The following MLLT6 variants were observed in gnomAD, a reference collection of about 807,000 sequenced individuals.
MLLT6 encodes protein AF-17.
A neutral mutation model predicts 103.0 loss-of-function variants in MLLT6; 22 were observed. The observed-to-expected ratio is 0.21, with a 90% CI of 0.15 to 0.31. The LOEUF is 0.31. MLLT6 is among the 10% of genes least tolerant of loss of function. MLLT6 has a pLI of 1.00. For missense variants in MLLT6, 1,199 were observed against 1,441.7 expected (o/e 0.83, Z 2.73); for synonymous variants, 606 against 623.5 (o/e 0.97, Z 0.42).
In MLLT6 at chr17:38,726,016, C is replaced by A. The variant is rs1906011381; in HGVS notation, c.*418C>A. 3.9e-6 allele frequency: 1 copy of A among 255,122 alleles called. No homozygotes were observed. Among genetic ancestry groups the A allele is most frequent in the Non-Finnish European group, 7.5e-6 (1 of 133,316 alleles). The allele number at this position is 255,122 out of a possible 1,614,324, so 15.8% of individuals were successfully genotyped here. A position where few individuals can be genotyped will look rare whatever the true frequency, so the allele number is the denominator to read the frequency against. On this transcript the variant is annotated 3_prime_UTR_variant, in exon 20 of 20. Transcript: ENST00000621332. The stretch of plus-strand genomic sequence containing the variant: ...CCTGGGCCTGTCCCTGCGGGGAAAT[C>A]TTTTATGGAAGAAGGGCTGGACCCA...
At chr17:38,712,275 C>T (rs1905168208) in intron 7 of MLLT6, among the ~76,000 whole-genome samples, 1 of 152,168 alleles carries the variant, frequency 6.6e-6, no homozygotes, top group Admixed American at 6.5e-5. Flanking sequence ...AGACACATGG[C>T]TCTGCACGTT....
In MLLT6 at chr17:38,716,496, C is replaced by G. The variant is rs201269762; in HGVS notation, c.1166C>G (p.Pro389Arg). 10 of 1,614,084 alleles carry G rather than the reference C, an allele frequency of 6.2e-6. No homozygotes were observed. The highest frequency in any genetic ancestry group is 3.3e-5 in the Admixed American group (2 of 60,008). ...APPSPSAPEP[P>R]KADLFEQKVV... ...CCTTCTCCCTCAGCTCCCGAGCCCC[C>G]CAAGGCTGACCTTTTTGAGCAGAAG... Residue 389 changes from proline to arginine, a missense_variant, in exon 10 of 20, where the codon CCC becomes CGC. Around this residue, in one of 7 missense-constraint regions of MLLT6, gnomAD observed 1,034 missense variants for 1,091.5 expected, o/e 0.95. Transcript: ENST00000621332. This position sits in a 1 kb window ranked among gnomAD's most constrained non-coding sequence, Gnocchi z 5.6.
chr17:38,721,817 G>A, intron 16 of MLLT6, 61 bp from the exon 17 acceptor site: 1 of 1,196,448 alleles, frequency 8.4e-7, no homozygotes, highest in Non-Finnish European at 1.2e-6. Context: ...GTGGGTGCTG[G>A]GCCAGGGGCC....
chr17:38,706,741 C>A (rs1904942022), intron 1 of MLLT6: 2 of 424,820 alleles, frequency 4.7e-6, no homozygotes, highest in African/African-American at 2.0e-5. Context: ...AGACTTCCCG[C>A]CCTGTTTGAA....
intron 12 of MLLT6, chr17:38,718,483 C>G (rs1162737542): frequency 6.6e-6 from 1 of 151,966 alleles, no homozygotes; most frequent in Non-Finnish European, 1.5e-5. Context: ...AAAAAAAAAT[C>G]CACACACAGC....
At chr17:38,712,203 T>A in intron 7 of MLLT6, 189 bp downstream of exon 7, 1 of 785,264 alleles carries the variant, frequency 1.3e-6, no homozygotes, top group Non-Finnish European at 1.5e-6. Flanking sequence ...TTGGCTTCCC[T>A]GTGGCTGTGT....
In MLLT6 at chr17:38,725,635, G is replaced by A. The variant is rs1760810363; in HGVS notation, c.*37G>A. 9 of 1,543,836 alleles carry A rather than the reference G, an allele frequency of 5.8e-6. No homozygotes were observed. Among genetic ancestry groups the A allele is most frequent in the Non-Finnish European group, 7.9e-6 (9 of 1,140,276 alleles). ...CCCCTCCTGACCCCCCCAAGTGGAG[G>A]GAACAGATCCTGGCCTGAGGGGTCC... is the stretch of plus-strand genomic sequence containing the variant. On this transcript the variant is annotated 3_prime_UTR_variant, in exon 20 of 20. Coordinates refer to ENST00000621332, the MANE Select transcript of MLLT6 (RefSeq NM_005937.4).
At chr17:38,718,166 G>A in intron 12 of MLLT6, 1 of 462,692 alleles carries the variant, frequency 2.2e-6, no homozygotes, top group Non-Finnish European at 3.8e-6. Flanking sequence ...CCTGAGATCA[G>A]GAGTTTGAGA....
chr17:38,716,370 C>T lies in MLLT6; in HGVS notation c.1040C>T (p.Ser347Leu), dbSNP rs762608218. 6 of 1,610,902 alleles carry T rather than the reference C, an allele frequency of 3.7e-6. No individual in the cohort carries two copies. Among genetic ancestry groups the T allele is most frequent in the African/African-American group, 1.3e-5 (1 of 74,638 alleles). The change falls in exon 10 of 20, where the codon TCG becomes TTG. Residue 347 changes from serine to leucine, a missense_variant. By Grantham distance (145) the Ser-to-Leu change is moderately radical. Coordinates refer to ENST00000621332, the MANE Select transcript of MLLT6 (RefSeq NM_005937.4). The surrounding 1 kb of genome is among the most constrained non-coding windows in gnomAD (Gnocchi z 5.6). ...ACTGTTTCCCCTCTGTGCACAGTCT[C>T]GTCCCTGCAGAGCTCCCCTGACTTC... ...SSGGPFQPAV[S>L]SLQSSPDFSA...
intron 8 of MLLT6, 74 bp downstream of exon 8, chr17:38,712,863 G>A (rs1021400449): frequency 3.5e-6 from 4 of 1,140,664 alleles, no homozygotes; most frequent in Non-Finnish European, 5.3e-6. Flanking sequence ...GGGGCGAGAG[G>A]TTGGTGAGTC....
chr17:38,715,844 C>A lies in MLLT6; in HGVS notation c.1036+16C>A. On this transcript the variant is annotated intron_variant, in intron 9 of 19. Transcript: ENST00000621332. ...CAGCCTGCAGGTGAGTGTGGGCATC[C>A]GGGAGGAAGCTGGGAGCAGGGAAAG... The A allele has an allele frequency of 6.4e-7, 1 of 1,570,480 alleles. No individual in the cohort carries two copies. The highest frequency in any genetic ancestry group is 2.3e-5 in the East Asian group (1 of 42,866).
At position 38,716,304 on chromosome 17, in the gene MLLT6, C is replaced by A; in HGVS notation, c.1037-63C>A. 6.5e-7 allele frequency: 1 copy of A among 1,528,180 alleles called. No individual in the cohort carries two copies. Among genetic ancestry groups the A allele is most frequent in the Non-Finnish European group, 8.9e-7 (1 of 1,125,614 alleles). 94.7% of individuals were successfully genotyped at this position (1,528,180 alleles called of 1,614,324 possible). A position where few individuals can be genotyped will look rare whatever the true frequency, so the allele number is the denominator to read the frequency against. Reference sequence around the variant, plus strand: ...CAGAGCTCTCTCCCGCCAGTACACGCGGGAGTGGGAGGGAGTGCGGGGATC... The same window carrying A: ...CAGAGCTCTCTCCCGCCAGTACACGAGGGAGTGGGAGGGAGTGCGGGGATC... On this transcript the variant is annotated intron_variant, in intron 9 of 19. Transcript: ENST00000621332. The surrounding 1 kb of genome is among the most constrained non-coding windows in gnomAD (Gnocchi z 5.6).
At chr17:38,722,417 C>T (rs925593865) in intron 17 of MLLT6, among the ~76,000 whole-genome samples, 190 bp downstream of exon 17, 9 of 152,150 alleles carry the variant, frequency 5.9e-5, no homozygotes, top group Admixed American at 3.9e-4. Flanking sequence ...GTCCTCTGGA[C>T]GGTAGCTCCC....
chr17:38,710,050 G>C (rs1230737859), intron 6 of MLLT6, among the ~76,000 whole-genome samples: 1 of 152,186 alleles, frequency 6.6e-6, no homozygotes, highest in Non-Finnish European at 1.5e-5. Context: ...AACTTATCTT[G>C]CAGCTGGTAG....
intron 18 of MLLT6, among the ~76,000 whole-genome samples, chr17:38,723,201 T>G (rs189870937): frequency 6.6e-6 from 1 of 152,282 alleles, no homozygotes; most frequent in Admixed American, 6.5e-5. Flanking sequence ...GGAGTTTTAC[T>G]TTTTAAAAAT....
chr17:38,725,118 G>C (rs1905955140), intron 19 of MLLT6, 142 bp downstream of exon 19: 1 of 629,968 alleles, frequency 1.6e-6, no homozygotes, highest in Non-Finnish European at 2.7e-6. Context: ...TCAGACCCCA[G>C]GGCCTCTGCT....
chr17:38,709,640 G>T lies in MLLT6; in HGVS notation c.552+65G>T, dbSNP rs577267440. ...TGTGGTAAGATGGTTAGAGGGCATG[G>T]GCTCTGGGCCAGGCCAGTGCCTGGT... is the stretch of plus-strand genomic sequence containing the variant. On this transcript the variant is annotated intron_variant, in intron 6 of 19. Coordinates refer to ENST00000621332, the MANE Select transcript of MLLT6 (RefSeq NM_005937.4). The surrounding 1 kb of genome is among the most constrained non-coding windows in gnomAD (Gnocchi z 4.3). 11 of 1,321,636 alleles carry T rather than the reference G, an allele frequency of 8.3e-6. No homozygotes were observed. The East Asian group carries it at 1.6e-4, about 20-fold the overall frequency. The allele number at this position is 1,321,636 out of a possible 1,614,324, so 81.9% of individuals were successfully genotyped here.
In MLLT6 at chr17:38,705,376, A is replaced by G. The variant is rs1334260489; in HGVS notation, c.-257A>G. Among the ~76,000 whole-genome samples, 1 of 138,192 alleles carries G rather than the reference A, an allele frequency of 7.2e-6. No homozygotes were observed. Among genetic ancestry groups the G allele is most frequent in the Non-Finnish European group, 1.6e-5 (1 of 62,224 alleles). The allele number at this position is 138,192 out of a possible 152,430, so 90.7% of individuals were successfully genotyped here. A position where few individuals can be genotyped will look rare whatever the true frequency, so the allele number is the denominator to read the frequency against. ...GGGGCGAGCCCGGCGTGCGAGTCTC[A>G]TTGTTGTGGGGGGGGCCCGTCGGGG... On this transcript the variant is annotated 5_prime_UTR_variant, in exon 1 of 20. Transcript: ENST00000621332.
At chr17:38,718,458 C>T (rs563612903) in intron 12 of MLLT6, 1 of 152,002 alleles carries the variant, frequency 6.6e-6, no homozygotes, top group South Asian at 2.1e-4. Flanking sequence ...ACAGGGAGAA[C>T]CTGTCTCTTA....
Sources: allele counts gnomAD v4.1 joint callset (sites outside exome capture counted in the v4.1 genomes callset), GRCh38; gene constraint gnomAD v4.1.1; regional missense constraint gnomAD v4.1.1; non-coding constraint Gnocchi (gnomAD v3.1); transcripts MANE v1.5; gene names NCBI Gene and HGNC (gene_info 2026-07-23, HGNC 2026-07-21).